Variants in LRRC9 observed in about 807,000 individuals in gnomAD.
The protein encoded by LRRC9 is leucine-rich repeat-containing protein 9.
Under a neutral mutation model 63.2 loss-of-function variants are expected in LRRC9, and 122 were observed. The observed-to-expected ratio is 1.93, with a 90% CI of 1.67 to 2.24. The LOEUF (loss-of-function observed/expected upper bound fraction) is 2.24. Ranked by LOEUF, LRRC9 falls within the 30% of genes most tolerant of loss-of-function variation. The pLI is 0.00. For missense variants in LRRC9, 1,071 were observed against 627.7 expected (o/e 1.71, Z -7.55); for synonymous variants, 366 against 213.1 (o/e 1.72, Z -6.25).
intron 29 of LRRC9, among the ~76,000 whole-genome samples, chr14:60,052,564 A>C (rs553123281): frequency 2.0e-5 from 3 of 152,346 alleles, no homozygotes; most frequent in African/African-American, 7.2e-5. Context: ...CACTGAAAAC[A>C]CCAAATACCT....
At chr14:59,975,983 C>T (rs771460036) in intron 13 of LRRC9, among the ~76,000 whole-genome samples, 4 of 152,214 alleles carry the variant, frequency 2.6e-5, no homozygotes, top group Admixed American at 6.5e-5. Context: ...TTTGCATTAC[C>T]GCATGAGCTC....
At chr14:59,987,653 C>G (rs186774791) in intron 17 of LRRC9, among the ~76,000 whole-genome samples, 3 of 151,808 alleles carry the variant, frequency 2.0e-5, no homozygotes, top group African/African-American at 7.2e-5. Flanking sequence ...AGGATCAGAC[C>G]CAGGTTCCAT....
At position 59,936,651 on chromosome 14, in the gene LRRC9, C is replaced by A. The variant is rs1890162125; in HGVS notation, c.544-1739C>A. On this transcript the variant is annotated intron_variant, in intron 6 of 31. Coordinates refer to ENST00000445360, the Ensembl canonical transcript of LRRC9. This position sits in a 1 kb window ranked among gnomAD's most constrained non-coding sequence, Gnocchi z 4.2. ...CAAGTGGTTTACCTTCTTGCCCCTG[C>A]AGAATTTGACCAAATAATTCTCTGC... Among the ~76,000 whole-genome samples the A allele has an allele frequency of 6.6e-6, 1 of 152,190 alleles. No homozygotes were observed. Among genetic ancestry groups the A allele is most frequent in the South Asian group, 2.1e-4 (1 of 4,834 alleles).
intron 19 of LRRC9, 121 bp from the exon 20 acceptor site, chr14:60,001,845 T>G: frequency 2.3e-6 from 1 of 439,574 alleles, no homozygotes; most frequent in Non-Finnish European, 4.0e-6. Context: ...AAAGGAAATG[T>G]TACATTTTAT....
chr14:60,010,721 C>T (rs773063274), intron 23 of LRRC9, among the ~76,000 whole-genome samples: 9 of 152,108 alleles, frequency 5.9e-5, no homozygotes, highest in Non-Finnish European at 1.2e-4. Flanking sequence ...AAATTTTTCA[C>T]CAGATACCCT....
intron 26 of LRRC9, among the ~76,000 whole-genome samples, chr14:60,022,061 T>C (rs1891158779): frequency 6.6e-6 from 1 of 151,848 alleles, no homozygotes; most frequent in South Asian, 2.1e-4. Flanking sequence ...TTGTATTAAA[T>C]GAATCTATTG....
intron 6 of LRRC9, among the ~76,000 whole-genome samples, chr14:59,935,770 GA>G (rs1476672015): frequency 6.6e-6 from 1 of 152,216 alleles, no homozygotes; most frequent in African/African-American, 2.4e-5. Flanking sequence ...GCAAAAGTTA[GA>G]GCATGTGTGG....
intron 8 of LRRC9, among the ~76,000 whole-genome samples, chr14:59,945,828 A>C (rs1255120555): frequency 6.6e-6 from 1 of 152,040 alleles, no homozygotes; most frequent in Non-Finnish European, 1.5e-5. Flanking sequence ...ATGACTAATA[A>C]GCATTTGAAA....
In LRRC9 at chr14:59,932,181, C is replaced by G. The variant is rs895222322; in HGVS notation, c.543+142C>G. On this transcript the variant is annotated intron_variant, in intron 6 of 31. Coordinates refer to ENST00000445360, the Ensembl canonical transcript of LRRC9. This position sits in a 1 kb window ranked among gnomAD's most constrained non-coding sequence, Gnocchi z 4.7. ...ATGCTCCAGGAAATTTGAAAGTCATCTGACTACATTGGCCTTAATGATCTG... is the reference window on the plus strand; with the variant it reads ...ATGCTCCAGGAAATTTGAAAGTCATGTGACTACATTGGCCTTAATGATCTG... 8 of 572,926 alleles carry G rather than the reference C, an allele frequency of 1.4e-5. No homozygotes were observed. Among genetic ancestry groups the G allele is most frequent in the Non-Finnish European group, 2.4e-5 (8 of 326,748 alleles). The allele number at this position is 572,926 out of a possible 1,614,324, so 35.5% of individuals were successfully genotyped here.
At chr14:59,991,700 C>A (rs1025300554) in intron 17 of LRRC9, among the ~76,000 whole-genome samples, 1 of 152,182 alleles carries the variant, frequency 6.6e-6, no homozygotes, top group Admixed American at 6.5e-5. Flanking sequence ...GTCCTACGCC[C>A]ATGGAGCCTC....
rs1481333647 is a variant in LRRC9, at chr14:59,975,119, ATATATATG to A, written c.1639+419_1639+426del. ...TATATATACATATATATATGTATAT[ATATATATG>A]TATATATATATACATATATATATGT... is the stretch of plus-strand genomic sequence containing the variant. On this transcript the variant is annotated intron_variant, in intron 13 of 31. Transcript: ENST00000445360. 1.7e-3 allele frequency among the ~76,000 whole-genome samples: 32 copies of A among 19,036 alleles called. 2 individuals carry two copies. Among genetic ancestry groups the A allele is most frequent in the African/African-American group, 2.8e-3 (32 of 11,578 alleles). 12.5% of individuals were successfully genotyped at this position (19,036 alleles called of 152,430 possible).
chr14:59,966,770 G>A lies in LRRC9; in HGVS notation c.1388+5G>A. 1.6e-6 allele frequency: 1 copy of A among 618,644 alleles called. No individual in the cohort carries two copies. Among genetic ancestry groups the A allele is most frequent in the South Asian group, 1.9e-5 (1 of 53,972 alleles). The allele number at this position is 618,644 out of a possible 1,614,324, so 38.3% of individuals were successfully genotyped here. On this transcript the variant is annotated splice_donor_5th_base_variant and intron_variant, in intron 11 of 31. Coordinates refer to ENST00000445360, the Ensembl canonical transcript of LRRC9. The surrounding 1 kb of genome is among the most constrained non-coding windows in gnomAD (Gnocchi z 4.0). ...TGAAGATATGCATGATTCAGAGTAA[G>A]AAGCTGAATTCTTTATGGAACAACT...
Position 59,922,496 on chromosome 14 carries a change from C to A in LRRC9, c.-34+2613C>A, listed in dbSNP as rs1171507451. Among the ~76,000 whole-genome samples, 2 of 151,910 alleles carry A rather than the reference C, an allele frequency of 1.3e-5. No homozygotes were observed. The highest frequency in any genetic ancestry group is 4.8e-5 in the African/African-American group (2 of 41,360). ...ATTTATATACAGAAATAAAGGAGAC[C>A]GTTGACAAGGAAATTTGGCAATAAA... is the stretch of plus-strand genomic sequence containing the variant. On this transcript the variant is annotated intron_variant, in intron 1 of 31. Coordinates refer to ENST00000445360, the Ensembl canonical transcript of LRRC9. This position sits in a 1 kb window ranked among gnomAD's most constrained non-coding sequence, Gnocchi z 5.3.
intron 23 of LRRC9, among the ~76,000 whole-genome samples, chr14:60,010,896 G>C (rs1213948781): frequency 6.6e-6 from 1 of 152,110 alleles, no homozygotes; most frequent in Admixed American, 6.6e-5. Flanking sequence ...ATCACTATCA[G>C]CATTTTGGTC....
At chr14:60,038,351 T>C (rs919906239) in intron 29 of LRRC9, among the ~76,000 whole-genome samples, 20 of 152,210 alleles carry the variant, frequency 1.3e-4, no homozygotes, top group Non-Finnish European at 7.4e-5. Context: ...ATAAATTACA[T>C]TGGGCAGTAT....
chr14:60,005,044 T>C (rs1889702023), intron 21 of LRRC9, among the ~76,000 whole-genome samples: 1 of 152,122 alleles, frequency 6.6e-6, no homozygotes, highest in Non-Finnish European at 1.5e-5. Context: ...ATTATTTTTA[T>C]CATGTGTATA....
chr14:60,050,595 G>C (rs1395841858), intron 29 of LRRC9, among the ~76,000 whole-genome samples: 1 of 152,146 alleles, frequency 6.6e-6, no homozygotes, highest in African/African-American at 2.4e-5. Context: ...CCTCTGCCCT[G>C]TTCTGTGCCC....
Position 59,942,097 on chromosome 14 carries a change from C to T in LRRC9, c.727-2492C>T, listed in dbSNP as rs1261681741. On this transcript the variant is annotated intron_variant, in intron 7 of 31. Transcript: ENST00000445360. The surrounding 1 kb of genome is among the most constrained non-coding windows in gnomAD (Gnocchi z 5.3). ...TCTGTGCTTGACTTATTTCGCTTAA[C>T]ATAATGTCCTCCAGGCTCAACCATG... Among the ~76,000 whole-genome samples, 1 of 152,174 alleles carries T rather than the reference C, an allele frequency of 6.6e-6. No individual in the cohort carries two copies. The highest frequency in any genetic ancestry group is 2.4e-5 in the African/African-American group (1 of 41,450).
chr14:59,981,748 T>C (rs1886951183), intron 15 of LRRC9, 100 bp from the exon 16 acceptor site: 1 of 618,902 alleles, frequency 1.6e-6, no homozygotes, highest in Non-Finnish European at 2.8e-6. Flanking sequence ...TATGACTGTA[T>C]AACTAAAAAT....
Sources: gnomAD v4.1 joint callset for allele counts (sites outside exome capture counted in the v4.1 genomes callset) on GRCh38, gnomAD v4.1.1 for gene constraint, Gnocchi (gnomAD v3.1) non-coding constraint, MANE v1.5 for transcripts, NCBI Gene and HGNC (gene_info 2026-07-23, HGNC 2026-07-21) for gene names.